The following ARHGEF28 variants were observed in gnomAD, a reference collection of about 807,000 sequenced individuals.
The protein encoded by ARHGEF28 is Rho guanine nucleotide exchange factor 28, also known as 190 kDa guanine nucleotide exchange factor.
ARHGEF28 carries 152 observed loss-of-function variants against 206.6 expected under a neutral mutation model. The observed-to-expected ratio is 0.74, with a 90% CI of 0.64 to 0.84. The LOEUF is 0.84. Among genes scored for constraint, ARHGEF28 ranks in the 40% least tolerant of loss-of-function variants. The probability of loss-of-function intolerance (pLI) is 0.00; values close to 1 mark genes in which losing one functional copy is unlikely to be tolerated. For missense variants in ARHGEF28, 2,028 were observed against 2,073.2 expected (o/e 0.98, Z 0.42); for synonymous variants, 763 against 776.4 (o/e 0.98, Z 0.29).
At chr5:73,833,805 G>C (rs546556338) in intron 10 of ARHGEF28, among the ~76,000 whole-genome samples, 2 of 152,280 alleles carry the variant, frequency 1.3e-5, no homozygotes, top group South Asian at 4.1e-4. Flanking sequence ...GAGAAAATGA[G>C]TGCTGAGTGA....
intron 1 of ARHGEF28, among the ~76,000 whole-genome samples, chr5:73,682,314 C>T (rs1260187419): frequency 6.6e-6 from 1 of 151,994 alleles, no homozygotes; most frequent in African/African-American, 2.4e-5. Flanking sequence ...ATTAGTAGAA[C>T]TTAAATGGTT....
At chr5:73,683,332 T>C (rs181355114) in intron 1 of ARHGEF28, among the ~76,000 whole-genome samples, 1 of 152,156 alleles carries the variant, frequency 6.6e-6, no homozygotes, top group Non-Finnish European at 1.5e-5. Context: ...TGAAAGTCCA[T>C]ATCCAATAAA....
At chr5:73,695,912 T>C (rs1748182476) in intron 2 of ARHGEF28, among the ~76,000 whole-genome samples, 1 of 152,200 alleles carries the variant, frequency 6.6e-6, no homozygotes, top group Non-Finnish European at 1.5e-5. Context: ...CTAGTGGACT[T>C]TCCTCATTCT....
intron 35 of ARHGEF28, among the ~76,000 whole-genome samples, chr5:73,915,447 T>G (rs941699496): frequency 3.9e-5 from 6 of 152,250 alleles, no homozygotes; most frequent in African/African-American, 1.4e-4. Flanking sequence ...GTTCAAACAT[T>G]AAATCCAAAT....
intron 35 of ARHGEF28, among the ~76,000 whole-genome samples, chr5:73,939,961 A>T (rs1742496013): frequency 6.6e-6 from 1 of 152,094 alleles, no homozygotes; most frequent in Admixed American, 6.6e-5. Context: ...ACTGAAAAAT[A>T]AGCAGGTGGG....
At chr5:73,909,942 G>T in intron 34 of ARHGEF28, 45 bp downstream of exon 34, 1 of 1,472,252 alleles carries the variant, frequency 6.8e-7, no homozygotes, top group South Asian at 1.4e-5. Flanking sequence ...TCAAAGACAG[G>T]GGTGGGCCTG....
chr5:73,689,787 A>C (rs1404898208), intron 2 of ARHGEF28, among the ~76,000 whole-genome samples: 1 of 152,108 alleles, frequency 6.6e-6, no homozygotes, highest in African/African-American at 2.4e-5. Context: ...AACAAAAAAA[A>C]AAAACACCAG....
intron 2 of ARHGEF28, among the ~76,000 whole-genome samples, chr5:73,727,026 T>A (rs779659823): frequency 3.3e-5 from 5 of 152,220 alleles, no homozygotes; most frequent in Non-Finnish European, 5.9e-5. Flanking sequence ...ATTTAGAGAT[T>A]GGAAGCTTTT....
At chr5:73,640,092 A>G (rs1236846836) in intron 1 of ARHGEF28, among the ~76,000 whole-genome samples, 2 of 152,198 alleles carry the variant, frequency 1.3e-5, no homozygotes, top group Non-Finnish European at 2.9e-5. Context: ...TGTTGTGACC[A>G]CTAGAATAGA....
chr5:73,778,090 A>C (rs1405893875), intron 6 of ARHGEF28: 1 of 151,734 alleles, frequency 6.6e-6, no homozygotes, highest in Non-Finnish European at 1.5e-5. Context: ...AAAAAAAAAA[A>C]AATGCTACTC....
chr5:73,908,990 T>C (rs1427157071), intron 33 of ARHGEF28: 1 of 156,172 alleles, frequency 6.4e-6, no homozygotes, highest in Non-Finnish European at 1.4e-5. Context: ...ACTAGGTTTA[T>C]GTGGATTCTT....
chr5:73,673,711 G>GCAAC (rs1227333623), intron 1 of ARHGEF28, among the ~76,000 whole-genome samples: 1 of 152,086 alleles, frequency 6.6e-6, no homozygotes, highest in African/African-American at 2.4e-5. Flanking sequence ...GTTAATAGTT[G>GCAAC]CAACTAGCAT....
intron 4 of ARHGEF28, among the ~76,000 whole-genome samples, chr5:73,772,847 T>C (rs1229437230): frequency 6.6e-6 from 1 of 152,202 alleles, no homozygotes; most frequent in Non-Finnish European, 1.5e-5. Flanking sequence ...GGAAGGTTCC[T>C]ATAATGAGCA....
At chr5:73,657,202 G>T in intron 1 of ARHGEF28, among the ~76,000 whole-genome samples, 1 of 148,188 alleles carries the variant, frequency 6.7e-6, no homozygotes, top group African/African-American at 2.5e-5. Context: ...AAAGAATGTT[G>T]GACTCTTCAA....
chr5:73,865,990 A>AC lies in ARHGEF28; in HGVS notation c.2130dup (p.Lys711GlnfsTer12). On this transcript the variant is annotated frameshift_variant, in exon 18 of 36. Coordinates refer to ENST00000513042, the MANE Select transcript of ARHGEF28 (RefSeq NM_001177693.2). LOFTEE classifies it high-confidence loss of function. The stretch of plus-strand genomic sequence containing the variant: ...AAATTCCAAGAGAAATATAACAAGA[A>AC]CAAACCACAGACCATCCTTGGAAGT... 1 of 1,604,330 alleles carries AC rather than the reference A, an allele frequency of 6.2e-7. No homozygotes were observed. Among genetic ancestry groups the AC allele is most frequent in the African/African-American group, 1.3e-5 (1 of 74,538 alleles).
chr5:73,864,955 C>A, intron 17 of ARHGEF28, 83 bp downstream of exon 17: 2 of 1,218,026 alleles, frequency 1.6e-6, no homozygotes, highest in South Asian at 2.7e-5. Flanking sequence ...TTTTTATTAC[C>A]ATCTAGATTT....
chr5:73,654,464 A>T (rs1052384917), intron 1 of ARHGEF28, among the ~76,000 whole-genome samples: 7 of 152,140 alleles, frequency 4.6e-5, no homozygotes, highest in African/African-American at 1.7e-4. Context: ...CATTTTTAGA[A>T]GCTGAATCTT....
At chr5:73,856,073 A>G (rs1042488014) in intron 14 of ARHGEF28, among the ~76,000 whole-genome samples, 1 of 151,574 alleles carries the variant, frequency 6.6e-6, no homozygotes, top group African/African-American at 2.4e-5. Context: ...CTTCTAAGAG[A>G]GGAGTCTTTT....
intron 2 of ARHGEF28, among the ~76,000 whole-genome samples, chr5:73,698,062 T>C (rs1406346599): frequency 6.6e-6 from 1 of 152,170 alleles, no homozygotes; most frequent in Non-Finnish European, 1.5e-5. Flanking sequence ...TAAAATTAGA[T>C]TGAAAGTGAG....
Sources: gnomAD v4.1 joint callset for allele counts (sites outside exome capture counted in the v4.1 genomes callset) on GRCh38, gnomAD v4.1.1 for gene constraint, MANE v1.5 for transcripts, NCBI Gene and HGNC (gene_info 2026-07-23, HGNC 2026-07-21) for gene names.